The following PSMD14 variants were observed in gnomAD, a reference collection of about 807,000 sequenced individuals.
The protein encoded by PSMD14 is ubiquitin C-terminal hydrolase PSMD14.
PSMD14 carries 7 observed loss-of-function variants against 41.2 expected under a neutral mutation model. That is an observed-to-expected ratio of 0.17 (90% CI 0.10 to 0.32). The LOEUF (loss-of-function observed/expected upper bound fraction) is 0.32, where lower values mean the gene tolerates loss of function less well. PSMD14 is among the 10% of genes least tolerant of loss of function. The pLI is 1.00. For synonymous variants in PSMD14, 114 were observed against 122.3 expected (o/e 0.93, Z 0.45); for missense variants, 139 against 375.6 (o/e 0.37, Z 5.21).
intron 3 of PSMD14, among the ~76,000 whole-genome samples, chr2:161,350,801 C>T (rs879382127): frequency 2.0e-5 from 3 of 152,178 alleles, no homozygotes; most frequent in Non-Finnish European, 4.4e-5. Context: ...GAAGGTATTC[C>T]ATATCTTGAT....
At chr2:161,360,177 A>G (rs1683269515) in intron 3 of PSMD14, among the ~76,000 whole-genome samples, 1 of 147,844 alleles carries the variant, frequency 6.8e-6, no homozygotes, top group East Asian at 2.0e-4. Context: ...CCCGTAACAT[A>G]TATATATGCA....
chr2:161,364,350 G>C (rs1250225224), intron 3 of PSMD14, among the ~76,000 whole-genome samples: 1 of 152,134 alleles, frequency 6.6e-6, no homozygotes, highest in African/African-American at 2.4e-5. Flanking sequence ...CTAGGGTCTG[G>C]GAGTTTTAAT....
intron 7 of PSMD14, among the ~76,000 whole-genome samples, chr2:161,373,602 T>C (rs1683467864): frequency 1.3e-5 from 2 of 151,898 alleles, no homozygotes. Flanking sequence ...CCTCTCCCTT[T>C]TCCTGCGTGT....
intron 2 of PSMD14, among the ~76,000 whole-genome samples, chr2:161,317,609 T>C (rs1454629496): frequency 2.0e-5 from 3 of 152,202 alleles, no homozygotes; most frequent in African/African-American, 7.2e-5. Flanking sequence ...TATGTGCACT[T>C]GAGTGAAGTT....
Position 161,360,107 on chromosome 2 carries a change from A to G in PSMD14, c.49-7371A>G, listed in dbSNP as rs141944813. Among the ~76,000 whole-genome samples the G allele has an allele frequency of 8.3e-3, 1,261 of 152,138 alleles. 12 individuals carry two copies. Among genetic ancestry groups the G allele is most frequent in the South Asian group, 0.017 (80 of 4,826 alleles). The stretch of plus-strand genomic sequence containing the variant: ...ATTCCAGATTTTCTCTGATAGGACT[A>G]TGTGGCTCATGGAATGATTTAAGCT... On this transcript the variant is annotated intron_variant, in intron 3 of 11. Coordinates refer to ENST00000409682, the MANE Select transcript of PSMD14 (RefSeq NM_005805.6).
intron 10 of PSMD14, among the ~76,000 whole-genome samples, chr2:161,403,896 T>A (rs531231602): frequency 1.3e-5 from 2 of 152,070 alleles, no homozygotes; most frequent in South Asian, 4.2e-4. Flanking sequence ...TGTTCTTCTA[T>A]CAAATGAATT....
chr2:161,372,411 T>C (rs1329486504), intron 7 of PSMD14, among the ~76,000 whole-genome samples: 1 of 152,012 alleles, frequency 6.6e-6, no homozygotes, highest in East Asian at 1.9e-4. Context: ...AATACGGAGT[T>C]TTTATCTGTC....
At chr2:161,385,611 A>G in intron 8 of PSMD14, 40 bp downstream of exon 8, 1 of 1,295,350 alleles carries the variant, frequency 7.7e-7, no homozygotes, top group Non-Finnish European at 1.1e-6. Context: ...ACTCTTTTAA[A>G]TTTTAAAAGC....
intron 3 of PSMD14, among the ~76,000 whole-genome samples, chr2:161,337,099 A>G (rs1359420436): frequency 6.6e-6 from 1 of 152,244 alleles, no homozygotes; most frequent in Non-Finnish European, 1.5e-5. Context: ...CTGATTAAGA[A>G]TCAATTTCAG....
chr2:161,340,987 GCCT>G (rs1682947282), intron 3 of PSMD14: 1 of 1,612,098 alleles, frequency 6.2e-7, no homozygotes. Context: ...TCCTCTTCCT[GCCT>G]CGCCTCCACC....
chr2:161,391,291 A>C (rs1683708491), intron 9 of PSMD14, 113 bp downstream of exon 9: 2 of 1,065,466 alleles, frequency 1.9e-6, no homozygotes, highest in Non-Finnish European at 2.5e-6. Context: ...GTGTTTCCAA[A>C]TATTATTCCA....
rs1343744135 is a variant in PSMD14 at position 161,310,604 on chromosome 2, T to C, written c.-138+2000T>C. 3.9e-5 allele frequency among the ~76,000 whole-genome samples: 6 copies of C among 152,240 alleles called. No homozygotes were observed. In the East Asian group the frequency reaches 9.6e-4, roughly 24 times the overall value. Reference sequence around the variant, plus strand: ...TCTAAAATGATAATAATAACAATTATAACAAGAATAGCAACGACAACATTT... The same window carrying C: ...TCTAAAATGATAATAATAACAATTACAACAAGAATAGCAACGACAACATTT... On this transcript the variant is annotated intron_variant, in intron 1 of 11. Coordinates refer to ENST00000409682, the MANE Select transcript of PSMD14 (RefSeq NM_005805.6).
intron 3 of PSMD14, among the ~76,000 whole-genome samples, chr2:161,322,546 C>T (rs536529043): frequency 2.0e-5 from 3 of 152,220 alleles, no homozygotes; most frequent in South Asian, 2.1e-4. Flanking sequence ...TGAGCCTCCA[C>T]GCCCAGCTAA....
chr2:161,313,106 G>A (rs1026691489), intron 1 of PSMD14, among the ~76,000 whole-genome samples: 1 of 152,144 alleles, frequency 6.6e-6, no homozygotes, highest in Non-Finnish European at 1.5e-5. Context: ...GGAAACTGAG[G>A]AGGAGAGAGG....
intron 7 of PSMD14, chr2:161,383,608 A>G (rs1034968255): frequency 2.0e-5 from 3 of 151,642 alleles, no homozygotes; most frequent in Admixed American, 2.0e-4. Context: ...TTCAGTATAA[A>G]AAAGTATATA....
intron 1 of PSMD14, among the ~76,000 whole-genome samples, chr2:161,315,053 C>A (rs1033555988): frequency 8.5e-5 from 13 of 152,158 alleles, no homozygotes; most frequent in African/African-American, 2.9e-4. Flanking sequence ...TCTCAAGATA[C>A]ATAGTCTGAA....
At chr2:161,336,746 T>C (rs1308831661) in intron 3 of PSMD14, among the ~76,000 whole-genome samples, 1 of 152,242 alleles carries the variant, frequency 6.6e-6, no homozygotes, top group East Asian at 1.9e-4. Flanking sequence ...TGGCTAATTT[T>C]TATATTTTTA....
At chr2:161,389,657 G>T (rs918544169) in intron 8 of PSMD14, among the ~76,000 whole-genome samples, 1 of 151,790 alleles carries the variant, frequency 6.6e-6, no homozygotes, top group African/African-American at 2.4e-5. Context: ...ACTCATTGGA[G>T]TGATTTTTGC....
chr2:161,365,659 A>G (rs551819650), intron 3 of PSMD14, among the ~76,000 whole-genome samples: 1 of 152,098 alleles, frequency 6.6e-6, no homozygotes, highest in African/African-American at 2.4e-5. Context: ...TCGTTAACCT[A>G]TTTTTCTACT....
Sources: gnomAD v4.1 joint callset for allele counts (sites outside exome capture counted in the v4.1 genomes callset) on GRCh38, gnomAD v4.1.1 for gene constraint, MANE v1.5 for transcripts, NCBI Gene and HGNC (gene_info 2026-07-23, HGNC 2026-07-21) for gene names.